The following PRKCE variants were observed in gnomAD, a reference collection of about 807,000 sequenced individuals.
PRKCE encodes protein kinase C epsilon type.
PRKCE carries 16 observed loss-of-function variants against 85.4 expected under a neutral mutation model. The ratio of observed to expected loss-of-function variants is 0.19; its 90% CI spans 0.13 to 0.28. The LOEUF (loss-of-function observed/expected upper bound fraction) is 0.28. Ranked by LOEUF, PRKCE falls within the 10% of genes least tolerant of loss-of-function variation. PRKCE has a pLI of 1.00. For synonymous variants in PRKCE, 388 were observed against 371.5 expected (o/e 1.04, Z -0.51); for missense variants, 573 against 975.2 (o/e 0.59, Z 5.49).
intron 10 of PRKCE, among the ~76,000 whole-genome samples, chr2:46,083,041 G>A (rs1169811049): frequency 1.3e-5 from 2 of 152,044 alleles, no homozygotes; most frequent in Non-Finnish European, 2.9e-5. Context: ...TCCACCTCCC[G>A]AGCTCAAATG....
At chr2:46,104,689 A>G (rs1671555129) in intron 11 of PRKCE, among the ~76,000 whole-genome samples, 1 of 152,162 alleles carries the variant, frequency 6.6e-6, no homozygotes, top group Admixed American at 6.5e-5. Flanking sequence ...GGCCAGGGAT[A>G]TTGTTCAATA....
At chr2:46,065,950 T>C (rs1238895864) in intron 10 of PRKCE, among the ~76,000 whole-genome samples, 1 of 152,202 alleles carries the variant, frequency 6.6e-6, no homozygotes, top group Non-Finnish European at 1.5e-5. Flanking sequence ...GTTTAATTTG[T>C]CTTAAATACC....
At chr2:46,012,188 C>T (rs916209376) in intron 10 of PRKCE, among the ~76,000 whole-genome samples, 3 of 152,166 alleles carry the variant, frequency 2.0e-5, no homozygotes, top group African/African-American at 7.2e-5. Flanking sequence ...TCCATGGTGC[C>T]TATCACAGGG....
intron 2 of PRKCE, among the ~76,000 whole-genome samples, chr2:45,922,414 AC>A (rs1306431112): frequency 6.6e-6 from 1 of 152,130 alleles, no homozygotes; most frequent in Non-Finnish European, 1.5e-5. Context: ...AGGGGGCAAA[AC>A]ATCTAGAGTT....
intron 1 of PRKCE, among the ~76,000 whole-genome samples, chr2:45,809,327 G>C (rs1688484196): frequency 6.6e-6 from 1 of 152,160 alleles, no homozygotes; most frequent in Non-Finnish European, 1.5e-5. Context: ...AACTCTTTTT[G>C]ATACTAATGG....
intron 1 of PRKCE, among the ~76,000 whole-genome samples, chr2:45,783,349 T>C (rs959451097): frequency 6.6e-6 from 1 of 152,158 alleles, no homozygotes; most frequent in African/African-American, 2.4e-5. Flanking sequence ...TATATAAAAA[T>C]CACTGTGTGC....
intron 11 of PRKCE, among the ~76,000 whole-genome samples, chr2:46,106,088 T>C (rs1339130347): frequency 2.6e-5 from 4 of 152,232 alleles, no homozygotes; most frequent in Non-Finnish European, 5.9e-5. Flanking sequence ...TGTCTGCAAG[T>C]TTTTTCAAGT....
rs568999133 is a variant in PRKCE, at chr2:45,796,180, A to G, written c.349-46820A>G. On this transcript the variant is annotated intron_variant, in intron 1 of 14. Coordinates refer to ENST00000306156, the MANE Select transcript of PRKCE (RefSeq NM_005400.3). ...GGTTCTCCATTCCCATGCCTGCCCC[A>G]GTTAGTTGTCTTATTCTAGGCTGAC... Among the ~76,000 whole-genome samples the G allele has an allele frequency of 2.6e-5, 4 of 152,148 alleles. No homozygotes were observed. In the East Asian group the frequency reaches 7.7e-4, roughly 29 times the overall value.
intron 1 of PRKCE, among the ~76,000 whole-genome samples, chr2:45,824,742 A>G (rs1255309827): frequency 2.0e-5 from 3 of 152,116 alleles, no homozygotes; most frequent in East Asian, 1.9e-4. Flanking sequence ...GCAATTTTCC[A>G]GTTGGTATTT....
Position 46,025,880 on chromosome 2 carries a change from T to A in PRKCE, c.1437+15363T>A, listed in dbSNP as rs560395987. ...TCTCTGCTGCTTTAAACCACATTAA[T>A]CTCTGGGAGGGCAAACTGACCCATC... On this transcript the variant is annotated intron_variant, in intron 10 of 14. Transcript: ENST00000306156. Among the ~76,000 whole-genome samples, 10 of 150,596 alleles carry A rather than the reference T, an allele frequency of 6.6e-5. 2 individuals are homozygous for A. In the South Asian group the frequency reaches 2.1e-3, roughly 32 times the overall value.
In PRKCE at chr2:45,651,976, A is replaced by T. The variant is rs1345261565; in HGVS notation, c.-125A>T. 1 of 731,036 alleles carries T rather than the reference A, an allele frequency of 1.4e-6. No homozygotes were observed. The allele number at this position is 731,036 out of a possible 1,614,324, so 45.3% of individuals were successfully genotyped here. A position where few individuals can be genotyped will look rare whatever the true frequency, so the allele number is the denominator to read the frequency against. On this transcript the variant is annotated 5_prime_UTR_variant, in exon 1 of 15. Transcript: ENST00000306156. ...GGGCGCAACGCCACAAGGTGTAGGG[A>T]GTGTGCGGGGTGGGGCGAAAGGGGA...
chr2:45,723,205 T>C (rs1680767914), intron 1 of PRKCE, among the ~76,000 whole-genome samples: 2 of 149,176 alleles, frequency 1.3e-5, no homozygotes, highest in South Asian at 4.2e-4. Context: ...GGACTTTCAG[T>C]CCACATGGTT....
intron 10 of PRKCE, among the ~76,000 whole-genome samples, chr2:46,013,088 A>T (rs961722143): frequency 6.6e-6 from 1 of 152,260 alleles, no homozygotes. Flanking sequence ...ATGCATATTC[A>T]CTGAATTTTT....
intron 10 of PRKCE, among the ~76,000 whole-genome samples, chr2:46,047,901 T>A (rs1708623368): frequency 6.6e-6 from 1 of 152,172 alleles, no homozygotes; most frequent in East Asian, 1.9e-4. Flanking sequence ...TCCTGGAAAA[T>A]TGAATTTGGT....
rs188942683 is a variant in PRKCE, at chr2:45,972,115, C to T, written c.413-4314C>T. On this transcript the variant is annotated intron_variant, in intron 2 of 14. Transcript: ENST00000306156. Reference sequence around the variant, plus strand: ...AAGCGTTCGCTCTTCTCCACATCCTCGCTAAAACTTATCATTCTTTTTTTT... The same window carrying T: ...AAGCGTTCGCTCTTCTCCACATCCTTGCTAAAACTTATCATTCTTTTTTTT... Among the ~76,000 whole-genome samples the T allele has an allele frequency of 2.2e-3, 330 of 152,304 alleles. 3 individuals are homozygous for T. The highest frequency in any genetic ancestry group is 7.3e-3 in the African/African-American group (303 of 41,568).
At chr2:46,100,047 C>T (rs144417974) in intron 11 of PRKCE, among the ~76,000 whole-genome samples, 15 of 152,276 alleles carry the variant, frequency 9.9e-5, no homozygotes, top group African/African-American at 3.6e-4. Flanking sequence ...GTTTTCCTAC[C>T]TACAAAATAT....
At chr2:46,107,956 G>A (rs762482445) in intron 11 of PRKCE, among the ~76,000 whole-genome samples, 3 of 152,120 alleles carry the variant, frequency 2.0e-5, no homozygotes, top group African/African-American at 7.2e-5. Context: ...TTCTAAGACA[G>A]GGTCTCACTC....
intron 1 of PRKCE, among the ~76,000 whole-genome samples, chr2:45,751,141 A>T (rs1683525736): frequency 6.6e-6 from 1 of 152,080 alleles, no homozygotes; most frequent in South Asian, 2.1e-4. Context: ...CTCTTTTGGG[A>T]ATGACCTTCT....
intron 13 of PRKCE, among the ~76,000 whole-genome samples, chr2:46,157,538 C>G (rs1425749028): frequency 7.2e-5 from 11 of 152,106 alleles, no homozygotes; most frequent in Admixed American, 7.2e-4. Context: ...AAAGAAGTAT[C>G]CAGTCAAAAA....
Sources: gnomAD v4.1 joint callset for allele counts (sites outside exome capture counted in the v4.1 genomes callset) on GRCh38, gnomAD v4.1.1 for gene constraint, MANE v1.5 for transcripts, NCBI Gene and HGNC (gene_info 2026-07-23, HGNC 2026-07-21) for gene names.